AGK: variants seen among roughly 807,000 people sequenced by gnomAD.
The protein encoded by AGK is acylglycerol kinase.
A neutral mutation model predicts 66.4 loss-of-function variants in AGK; 52 were observed. That is an observed-to-expected ratio of 0.78 (90% CI 0.63 to 0.99). The LOEUF (loss-of-function observed/expected upper bound fraction) is 0.99. Ranked by LOEUF, AGK falls within the 50% of genes least tolerant of loss-of-function variation. The pLI is 0.00. For synonymous variants in AGK, 182 were observed against 181.1 expected (o/e 1.00, Z -0.04); for missense variants, 451 against 506.6 (o/e 0.89, Z 1.05).
intron 2 of AGK, among the ~76,000 whole-genome samples, chr7:141,559,997 G>A (rs1336470781): frequency 2.0e-5 from 3 of 151,752 alleles, no homozygotes; most frequent in South Asian, 2.1e-4. Context: ...AATCTTTAGG[G>A]TTTCTACATA....
chr7:141,649,732 G>A (rs780107762), intron 14 of AGK, among the ~76,000 whole-genome samples: 6 of 152,232 alleles, frequency 3.9e-5, no homozygotes, highest in Non-Finnish European at 7.3e-5. Flanking sequence ...CATCTCTGCC[G>A]ATCTCAGGAC....
rs1796285316 is a variant in AGK at position 141,598,953 on chromosome 7, AT to A, written c.222-2247del. On this transcript the variant is annotated intron_variant, in intron 4 of 15. Coordinates refer to ENST00000649286, the MANE Select transcript of AGK (RefSeq NM_018238.4). The surrounding 1 kb of genome is among the most constrained non-coding windows in gnomAD (Gnocchi z 4.2). ...TCTTTTTACATGTAAATATATTTGC[AT>A]TTTTAAAGGTAGATTCTTGTTTAAA... is the stretch of plus-strand genomic sequence containing the variant. 1.3e-5 allele frequency: 2 copies of A among 152,132 alleles called. No individual in the cohort carries two copies. Among genetic ancestry groups the A allele is most frequent in the African/African-American group, 2.4e-5 (1 of 41,448 alleles). The allele number at this position is 152,132 out of a possible 1,614,324, so 9.4% of individuals were successfully genotyped here.
chr7:141,623,233 G>T (rs1404306882), intron 9 of AGK, among the ~76,000 whole-genome samples: 1 of 152,070 alleles, frequency 6.6e-6, no homozygotes, highest in East Asian at 1.9e-4. Flanking sequence ...TACAAAATTA[G>T]CTGGGTGTGG....
At chr7:141,567,721 C>T (rs921761117) in intron 2 of AGK, among the ~76,000 whole-genome samples, 5 of 152,192 alleles carry the variant, frequency 3.3e-5, no homozygotes, top group Non-Finnish European at 5.9e-5. Context: ...CCAGGTTGTT[C>T]GGTTTATCAT....
chr7:141,649,153 C>T, intron 13 of AGK, 110 bp from the exon 14 acceptor site: 1 of 584,148 alleles, frequency 1.7e-6, no homozygotes, highest in Non-Finnish European at 3.1e-6. Context: ...CAAGTAGAGT[C>T]CCCTATCTAT....
intron 8 of AGK, among the ~76,000 whole-genome samples, chr7:141,618,881 A>G (rs1340802404): frequency 6.6e-6 from 1 of 152,180 alleles, no homozygotes; most frequent in East Asian, 1.9e-4. Context: ...TTTATTAATA[A>G]TAATTACCGT....
chr7:141,611,631 C>T (rs1000953036), intron 6 of AGK, among the ~76,000 whole-genome samples: 1 of 152,142 alleles, frequency 6.6e-6, no homozygotes, highest in African/African-American at 2.4e-5. Flanking sequence ...ATCATAGTTT[C>T]CATCAACAGG....
At chr7:141,639,957 A>C (rs533294342) in intron 11 of AGK, among the ~76,000 whole-genome samples, 2 of 152,318 alleles carry the variant, frequency 1.3e-5, no homozygotes, top group African/African-American at 4.8e-5. Context: ...GTGGAAAAAG[A>C]AAGCACTTGA....
At chr7:141,560,983 C>T (rs552568503) in intron 2 of AGK, among the ~76,000 whole-genome samples, 33 of 152,030 alleles carry the variant, frequency 2.2e-4, no homozygotes, top group Non-Finnish European at 2.4e-4. Context: ...TTAGTAGAGA[C>T]GGGGTTTCAT....
chr7:141,637,981 C>A (rs1797209577), intron 11 of AGK, among the ~76,000 whole-genome samples: 1 of 152,082 alleles, frequency 6.6e-6, no homozygotes, highest in Non-Finnish European at 1.5e-5. Context: ...TCGGTTATTC[C>A]TCGAGTTTCA....
At chr7:141,613,440 G>A (rs916161199) in intron 6 of AGK, among the ~76,000 whole-genome samples, 4 of 152,086 alleles carry the variant, frequency 2.6e-5, no homozygotes, top group Non-Finnish European at 5.9e-5. Context: ...CCAACATGGC[G>A]AAACCCCGTC....
chr7:141,646,186 C>T (rs142001133), intron 13 of AGK, among the ~76,000 whole-genome samples: 4 of 152,124 alleles, frequency 2.6e-5, no homozygotes, highest in Non-Finnish European at 4.4e-5. Flanking sequence ...AGAGGAGAGC[C>T]GCACCCAGAA....
chr7:141,603,209 A>G (rs1196164030), intron 5 of AGK, among the ~76,000 whole-genome samples: 1 of 152,164 alleles, frequency 6.6e-6, no homozygotes, highest in African/African-American at 2.4e-5. Flanking sequence ...TGTTTTAACT[A>G]TATAAATTCT....
At chr7:141,614,714 T>C (rs2116961882) in intron 7 of AGK, among the ~76,000 whole-genome samples, 1 of 152,222 alleles carries the variant, frequency 6.6e-6, no homozygotes, top group South Asian at 2.1e-4. Context: ...AGGATAATGG[T>C]CTCCTCTGGG....
intron 2 of AGK, among the ~76,000 whole-genome samples, chr7:141,563,881 C>T (rs1484984939): frequency 2.6e-5 from 4 of 152,164 alleles, no homozygotes; most frequent in African/African-American, 9.7e-5. Flanking sequence ...TCATACGTTC[C>T]TCAACTCCAT....
At chr7:141,600,390 T>A (rs2116933423) in intron 4 of AGK, among the ~76,000 whole-genome samples, 1 of 152,306 alleles carries the variant, frequency 6.6e-6, no homozygotes, top group African/African-American at 2.4e-5. Context: ...GGACAAGAGT[T>A]CACTGTCAGA....
intron 2 of AGK, among the ~76,000 whole-genome samples, chr7:141,578,747 T>C (rs1431454459): frequency 6.6e-6 from 1 of 151,708 alleles, no homozygotes; most frequent in Admixed American, 6.6e-5. Context: ...TTTGTATGAA[T>C]TGAAAAACTA....
chr7:141,569,156 T>G (rs922678276), intron 2 of AGK, among the ~76,000 whole-genome samples: 1 of 152,232 alleles, frequency 6.6e-6, no homozygotes, highest in Non-Finnish European at 1.5e-5. Flanking sequence ...AAAAACAGTT[T>G]CTTAGAAGTA....
rs147241059 is a variant in AGK, at chr7:141,607,672, A to G, written c.298-3523A>G. On this transcript the variant is annotated intron_variant, in intron 5 of 15. Coordinates refer to ENST00000649286, the MANE Select transcript of AGK (RefSeq NM_018238.4). ...TAATTTATCAATTTTTTTTTCTTTC[A>G]TGGATATTGCTTTTGGTGATGTATC... Among the ~76,000 whole-genome samples, 404 of 151,806 alleles carry G rather than the reference A, an allele frequency of 2.7e-3. 2 individuals carry two copies. The highest frequency in any genetic ancestry group is 5.1e-3 in the Admixed American group (78 of 15,272).
Sources: gnomAD v4.1 joint callset for allele counts (sites outside exome capture counted in the v4.1 genomes callset) on GRCh38, gnomAD v4.1.1 for gene constraint, Gnocchi (gnomAD v3.1) non-coding constraint, MANE v1.5 for transcripts, NCBI Gene and HGNC (gene_info 2026-07-23, HGNC 2026-07-21) for gene names.